The following TMEM45B variants were observed in gnomAD, a reference collection of about 807,000 sequenced individuals.
TMEM45B encodes transmembrane protein 45B.
TMEM45B carries 29 observed loss-of-function variants against 27.3 expected under a neutral mutation model. The observed-to-expected ratio is 1.06, with a 90% CI of 0.79 to 1.45. The LOEUF (loss-of-function observed/expected upper bound fraction) is 1.45, where lower values mean the gene tolerates loss of function less well. Ranked by LOEUF, TMEM45B falls within the 40% of genes most tolerant of loss-of-function variation. The probability of loss-of-function intolerance (pLI) is 0.00; values close to 1 mark genes in which losing one functional copy is unlikely to be tolerated. For missense variants in TMEM45B, 348 were observed against 343.9 expected (o/e 1.01, Z -0.09); for synonymous variants, 143 against 134.7 (o/e 1.06, Z -0.43).
intron 1 of TMEM45B, among the ~76,000 whole-genome samples, chr11:129,845,034 TATA>T (rs2135586341): frequency 6.6e-6 from 1 of 152,176 alleles, no homozygotes; most frequent in Admixed American, 6.5e-5. Context: ...TATCAAAGAA[TATA>T]TATATATTCA....
intron 1 of TMEM45B, among the ~76,000 whole-genome samples, chr11:129,821,762 T>C (rs1947422403): frequency 6.6e-6 from 1 of 152,196 alleles, no homozygotes; most frequent in Non-Finnish European, 1.5e-5. Flanking sequence ...TGATCCCTTG[T>C]ATTTTGTTCT....
At chr11:129,831,929 A>T (rs1192878679) in intron 1 of TMEM45B, among the ~76,000 whole-genome samples, 8 of 152,016 alleles carry the variant, frequency 5.3e-5, no homozygotes, top group Non-Finnish European at 8.8e-5. Flanking sequence ...AGCCAGGCAT[A>T]CTGGCGGATG....
rs929287673 is a variant in TMEM45B at position 129,852,342 on chromosome 11, T to G, written c.-8-133T>G. On this transcript the variant is annotated intron_variant, in intron 1 of 5. Coordinates refer to ENST00000281441, the MANE Select transcript of TMEM45B (RefSeq NM_138788.5). ...CAGTGACGTAACATAAGGCTTGTTT[T>G]ATGAGAATGTGTTGATCCTTCTTAA... The G allele has an allele frequency of 7.6e-6, 6 of 787,752 alleles. No homozygotes were observed. In the Admixed American group the frequency reaches 8.9e-5, roughly 12 times the overall value. The allele number at this position is 787,752 out of a possible 1,614,324, so 48.8% of individuals were successfully genotyped here.
intron 1 of TMEM45B, among the ~76,000 whole-genome samples, chr11:129,842,387 T>C (rs772658493): frequency 6.6e-6 from 1 of 152,162 alleles, no homozygotes; most frequent in Admixed American, 6.5e-5. Context: ...CTTCCTGTGT[T>C]CAAATTATAT....
At chr11:129,820,669 T>C (rs1246968747) in intron 1 of TMEM45B, among the ~76,000 whole-genome samples, 3 of 152,224 alleles carry the variant, frequency 2.0e-5, no homozygotes, top group Admixed American at 6.5e-5. Flanking sequence ...GAATGTCAGG[T>C]AGTTTAGCAA....
intron 1 of TMEM45B, among the ~76,000 whole-genome samples, chr11:129,845,534 A>T (rs1018509060): frequency 6.6e-6 from 1 of 152,182 alleles, no homozygotes; most frequent in Non-Finnish European, 1.5e-5. Flanking sequence ...TATAGCTTAA[A>T]ATATGAAAAA....
chr11:129,853,191 C>T (rs944842822), intron 2 of TMEM45B, among the ~76,000 whole-genome samples: 15 of 152,284 alleles, frequency 9.9e-5, no homozygotes, highest in Non-Finnish European at 2.2e-4. Context: ...AGGAATTTTC[C>T]TTCACTCTGC....
At chr11:129,824,727 G>A (rs1238466380) in intron 1 of TMEM45B, among the ~76,000 whole-genome samples, 1 of 152,176 alleles carries the variant, frequency 6.6e-6, no homozygotes, top group Non-Finnish European at 1.5e-5. Context: ...AGACTAATGG[G>A]CAAGACATAT....
At position 129,857,428 on chromosome 11, in the gene TMEM45B, T is replaced by C. The variant is rs1234916455; in HGVS notation, c.686T>C (p.Ile229Thr). The C allele has an allele frequency of 1.2e-6, 2 of 1,614,074 alleles. No homozygotes were observed. Among genetic ancestry groups the C allele is most frequent in the African/African-American group, 1.3e-5 (1 of 74,942 alleles). The change falls in exon 5 of 6, where the codon ATT (isoleucine) becomes ACT (threonine). Residue 229 changes from isoleucine to threonine, a missense_variant. Ile to Thr is a moderately conservative substitution (Grantham distance 89). Coordinates refer to ENST00000281441, the MANE Select transcript of TMEM45B (RefSeq NM_138788.5). ...FCWHYLAALS[I>T]VAVNYSLVYC... ...TGGCACTACCTGGCTGCCCTCAGCA[T>C]TGTGGCCGTCAACTATTCTCTTGTT...
intron 1 of TMEM45B, among the ~76,000 whole-genome samples, chr11:129,841,170 A>G (rs550619383): frequency 2.6e-5 from 4 of 152,206 alleles, no homozygotes; most frequent in Admixed American, 2.0e-4. Flanking sequence ...AGCTCAGCCA[A>G]TGACTTTTAA....
intron 1 of TMEM45B, among the ~76,000 whole-genome samples, chr11:129,820,919 T>G (rs901003500): frequency 1.3e-5 from 2 of 152,106 alleles, no homozygotes; most frequent in African/African-American, 4.8e-5. Context: ...ATACGGGCCA[T>G]TTCTTCTTCT....
intron 1 of TMEM45B, among the ~76,000 whole-genome samples, chr11:129,834,816 A>C (rs1446872650): frequency 8.5e-4 from 3 of 3,518 alleles, no homozygotes; most frequent in Non-Finnish European, 2.6e-3. Flanking sequence ...ATCTCCACAA[A>C]AAAAAAAAAA....
At chr11:129,854,577 C>T (rs1215701941) in intron 2 of TMEM45B, 33 bp from the exon 3 acceptor site, 2 of 1,601,324 alleles carry the variant, frequency 1.2e-6, no homozygotes, top group Non-Finnish European at 1.7e-6. Flanking sequence ...AGCTACTCTT[C>T]CCTCTAAAAC....
At chr11:129,827,491 C>G (rs2704451) in intron 1 of TMEM45B, among the ~76,000 whole-genome samples, 49,304 of 151,994 alleles carry the variant, frequency 0.32, 8,602 homozygotes, top group East Asian at 0.48. Flanking sequence ...TATCTAAACA[C>G]GGAAAACATG....
chr11:129,843,978 A>C (rs1251419639), intron 1 of TMEM45B, among the ~76,000 whole-genome samples: 1 of 152,208 alleles, frequency 6.6e-6, no homozygotes, highest in Non-Finnish European at 1.5e-5. Context: ...CCCTATCTTG[A>C]AAAGATATCT....
At chr11:129,840,273 G>T (rs533466703) in intron 1 of TMEM45B, among the ~76,000 whole-genome samples, 1 of 152,268 alleles carries the variant, frequency 6.6e-6, no homozygotes, top group African/African-American at 2.4e-5. Flanking sequence ...CTACAGACAT[G>T]CTGCAGGCCC....
chr11:129,847,476 A>G (rs1327937175), intron 1 of TMEM45B, among the ~76,000 whole-genome samples: 3 of 150,950 alleles, frequency 2.0e-5, no homozygotes, highest in Non-Finnish European at 2.9e-5. Context: ...GCAGGGTCAC[A>G]GGACAATAGT....
Position 129,849,835 on chromosome 11 carries a change from G to T in TMEM45B, c.-8-2640G>T, listed in dbSNP as rs559102411. The stretch of plus-strand genomic sequence containing the variant: ...GCCCTTCCCCTGAAACTGTTCTGCC[G>T]CAAGGCTCTAACCCTCTGGGCCTCT... On this transcript the variant is annotated intron_variant, in intron 1 of 5. Coordinates refer to ENST00000281441, the MANE Select transcript of TMEM45B (RefSeq NM_138788.5). Among the ~76,000 whole-genome samples, 4 of 152,128 alleles carry T rather than the reference G, an allele frequency of 2.6e-5. No homozygotes were observed. In the South Asian group the frequency reaches 6.2e-4, roughly 24 times the overall value.
chr11:129,824,912 A>C (rs1947460270), intron 1 of TMEM45B, among the ~76,000 whole-genome samples: 1 of 152,130 alleles, frequency 6.6e-6, no homozygotes, highest in Admixed American at 6.5e-5. Context: ...AAGGACGTGC[A>C]ATTTAGAGGG....
Sources: gnomAD v4.1 joint callset for allele counts (sites outside exome capture counted in the v4.1 genomes callset) on GRCh38, gnomAD v4.1.1 for gene constraint, MANE v1.5 for transcripts, NCBI Gene and HGNC (gene_info 2026-07-23, HGNC 2026-07-21) for gene names.